Variants in ATP2B2 observed in about 807,000 individuals in gnomAD.
The protein encoded by ATP2B2 is plasma membrane calcium-transporting ATPase 2.
Under a neutral mutation model 120.0 loss-of-function variants are expected in ATP2B2, and 15 were observed. The ratio of observed to expected loss-of-function variants is 0.12; its 90% CI spans 0.08 to 0.19. The LOEUF (loss-of-function observed/expected upper bound fraction) is 0.19, where lower values mean the gene tolerates loss of function less well. Among genes scored for constraint, ATP2B2 ranks in the 10% least tolerant of loss-of-function variants. The pLI, the probability that ATP2B2 is intolerant of heterozygous loss-of-function variation, is 1.00. For missense variants in ATP2B2, 1,045 were observed against 1,719.8 expected (o/e 0.61, Z 6.94); for synonymous variants, 694 against 700.3 (o/e 0.99, Z 0.14).
In ATP2B2 at chr3:10,638,956, G is replaced by A. The variant is rs185022725; in HGVS notation, c.-459-18995C>T. 1.9e-4 allele frequency among the ~76,000 whole-genome samples: 29 copies of A among 152,296 alleles called. No homozygotes were observed. In the East Asian group the frequency reaches 3.1e-3, roughly 16 times the overall value. On this transcript the variant is annotated intron_variant, in intron 1 of 21. Coordinates refer to the ATP2B2 transcript ENST00000646379. ...AATAAGGCAGCTTAAAATGCATGAC[G>A]CAAATATTGATGGAAAACAAGAGAA...
chr3:10,430,051 A>G (rs1025020465), intron 2 of ATP2B2, among the ~76,000 whole-genome samples: 2 of 152,222 alleles, frequency 1.3e-5, no homozygotes, highest in Non-Finnish European at 2.9e-5. Context: ...GGCTTAAGAA[A>G]ATAAGCCATT....
At chr3:10,373,345 T>C (rs1340668365) in intron 11 of ATP2B2, among the ~76,000 whole-genome samples, 1 of 152,208 alleles carries the variant, frequency 6.6e-6, no homozygotes, top group African/African-American at 2.4e-5. Flanking sequence ...CCTCACAGCC[T>C]GGACCTTTCT....
intron 2 of ATP2B2, among the ~76,000 whole-genome samples, chr3:10,435,554 C>T (rs534411194): frequency 1.6e-4 from 24 of 152,332 alleles, no homozygotes; most frequent in African/African-American, 4.6e-4. Context: ...ATCTGCCTTA[C>T]GGGTATTTGT....
intron 1 of ATP2B2, among the ~76,000 whole-genome samples, chr3:10,505,257 A>G (rs1223101828): frequency 6.6e-6 from 1 of 151,766 alleles, no homozygotes; most frequent in Admixed American, 6.5e-5. Flanking sequence ...TGTCTCCCTC[A>G]GCGGCGGCTC....
chr3:10,555,206 G>A (rs2067752379), intron 2 of ATP2B2, among the ~76,000 whole-genome samples: 1 of 152,260 alleles, frequency 6.6e-6, no homozygotes, highest in Admixed American at 6.5e-5. Flanking sequence ...CCTGCTCTTA[G>A]ATTTCTCTCA....
rs2071565698 is a variant in ATP2B2 at position 10,688,023 on chromosome 3, T to C, written c.-460+19892A>G. Among the ~76,000 whole-genome samples the C allele has an allele frequency of 2.0e-5, 3 of 152,194 alleles. No homozygotes were observed. In the South Asian group the frequency reaches 6.2e-4, roughly 32 times the overall value. On this transcript the variant is annotated intron_variant, in intron 1 of 21. Transcript: ENST00000646379. ...ATATTATATATATAAAATACACACA[T>C]TATCTTTATTCATATTACATATTCA...
chr3:10,675,838 G>A (rs1358414520), intron 1 of ATP2B2, among the ~76,000 whole-genome samples: 3 of 152,202 alleles, frequency 2.0e-5, no homozygotes, highest in Non-Finnish European at 4.4e-5. Flanking sequence ...TGCCTGCAAT[G>A]CCCTTTCCCC....
intron 2 of ATP2B2, among the ~76,000 whole-genome samples, chr3:10,425,467 T>C (rs1024972329): frequency 6.6e-6 from 1 of 152,204 alleles, no homozygotes; most frequent in African/African-American, 2.4e-5. Flanking sequence ...AAATCTCAGC[T>C]GCCTCACTTA....
chr3:10,597,063 C>CCACACACA (rs58466640), intron 2 of ATP2B2, among the ~76,000 whole-genome samples: 1 of 142,846 alleles, frequency 7.0e-6, no homozygotes, highest in Non-Finnish European at 1.5e-5. Flanking sequence ...ACACACAGGG[C>CCACACACA]CACACACACA....
intron 2 of ATP2B2, among the ~76,000 whole-genome samples, chr3:10,561,523 T>C (rs2067903266): frequency 6.6e-6 from 1 of 152,150 alleles, no homozygotes; most frequent in South Asian, 2.1e-4. Context: ...AGAGGTGAAG[T>C]GATTTGCCCA....
At chr3:10,620,586 C>T (rs774140739) in intron 1 of ATP2B2, among the ~76,000 whole-genome samples, 9 of 152,066 alleles carry the variant, frequency 5.9e-5, no homozygotes, top group African/African-American at 9.7e-5. Flanking sequence ...CCCCTAGTCC[C>T]GAAGGAGATG....
intron 2 of ATP2B2, among the ~76,000 whole-genome samples, chr3:10,583,754 C>T (rs1394692144): frequency 6.6e-6 from 1 of 152,150 alleles, no homozygotes; most frequent in Non-Finnish European, 1.5e-5. Context: ...CTGGTGGGTT[C>T]GGACTGACCT....
chr3:10,594,887 C>T (rs914472510), intron 2 of ATP2B2, among the ~76,000 whole-genome samples: 1 of 152,140 alleles, frequency 6.6e-6, no homozygotes, highest in Non-Finnish European at 1.5e-5. Context: ...GAGGCGTAAG[C>T]GGTTAAGGTC....
chr3:10,413,659 C>T (rs140484975), intron 2 of ATP2B2, among the ~76,000 whole-genome samples: 1 of 152,328 alleles, frequency 6.6e-6, no homozygotes, highest in East Asian at 1.9e-4. Flanking sequence ...CACTGTAGCA[C>T]GATTCCAGGA....
intron 14 of ATP2B2, among the ~76,000 whole-genome samples, chr3:10,351,699 A>G (rs2060582955): frequency 6.6e-6 from 1 of 152,250 alleles, no homozygotes; most frequent in African/African-American, 2.4e-5. Context: ...AAATCCAGCT[A>G]AAATGAGCGC....
chr3:10,398,935 C>T (rs1035245770), intron 5 of ATP2B2, among the ~76,000 whole-genome samples: 6 of 152,314 alleles, frequency 3.9e-5, no homozygotes, highest in African/African-American at 1.2e-4. Flanking sequence ...TCACTCCAGG[C>T]TGGCTGGTTG....
intron 12 of ATP2B2, among the ~76,000 whole-genome samples, chr3:10,370,771 T>A (rs1001368658): frequency 6.6e-6 from 1 of 152,094 alleles, no homozygotes; most frequent in African/African-American, 2.4e-5. Context: ...CTCAGCACAT[T>A]GGGAGGGTAA....
intron 2 of ATP2B2, among the ~76,000 whole-genome samples, chr3:10,419,814 T>C (rs1218041689): frequency 6.6e-6 from 1 of 152,182 alleles, no homozygotes; most frequent in Non-Finnish European, 1.5e-5. Context: ...CCTGATCTAG[T>C]TGGGGGTAGG....
intron 1 of ATP2B2, among the ~76,000 whole-genome samples, chr3:10,451,516 G>A (rs1412703771): frequency 1.3e-5 from 2 of 152,096 alleles, no homozygotes; most frequent in East Asian, 3.9e-4. Flanking sequence ...CTGGATTTGG[G>A]GCTTCCCAGT....
Sources: gnomAD v4.1 joint callset for allele counts (sites outside exome capture counted in the v4.1 genomes callset) on GRCh38, gnomAD v4.1.1 for gene constraint, MANE v1.5 for transcripts, NCBI Gene and HGNC (gene_info 2026-07-23, HGNC 2026-07-21) for gene names.